Variants in CHRM1 observed in about 807,000 individuals in gnomAD.
The protein encoded by CHRM1 is muscarinic acetylcholine receptor M1.
Under a neutral mutation model 31.6 loss-of-function variants are expected in CHRM1, and 5 were observed. That is an observed-to-expected ratio of 0.16 (90% confidence interval 0.08 to 0.33). The LOEUF is 0.33. Among genes scored for constraint, CHRM1 ranks in the 10% least tolerant of loss-of-function variants. The probability of loss-of-function intolerance (pLI) is 1.00; values close to 1 mark genes in which losing one functional copy is unlikely to be tolerated. For missense variants in CHRM1, 338 were observed against 610.3 expected (o/e 0.55, Z 4.70); for synonymous variants, 227 against 249.7 (o/e 0.91, Z 0.86).
At chr11:62,915,281 TG>T (rs1243204965) in intron 1 of CHRM1, among the ~76,000 whole-genome samples, 1 of 151,136 alleles carries the variant, frequency 6.6e-6, no homozygotes, top group Non-Finnish European at 1.5e-5. Flanking sequence ...GCGAAATGTA[TG>T]GGGTGCCCCA....
chr11:62,909,528 C>A lies in CHRM1; in HGVS notation c.*190G>T. 1.5e-6 allele frequency: 1 copy of A among 658,200 alleles called. No homozygotes were observed. The highest frequency in any genetic ancestry group is 2.8e-5 in the East Asian group (1 of 36,298). The allele number at this position is 658,200 out of a possible 1,614,324, so 40.8% of individuals were successfully genotyped here. ...AGAAAAACCAGTTCCCCGGGTTTCC[C>A]TCCCTGCCTGGGAATAGCGAAGTCT... On this transcript the variant is annotated 3_prime_UTR_variant, in exon 2 of 2. Transcript: ENST00000306960.
intron 1 of CHRM1, among the ~76,000 whole-genome samples, chr11:62,920,275 C>A (rs1334046081): frequency 6.6e-6 from 1 of 152,144 alleles, no homozygotes. Flanking sequence ...AGATGTGAAC[C>A]CCTCTCCATT....
chr11:62,911,469 A>G (rs980690382), intron 1 of CHRM1, among the ~76,000 whole-genome samples: 1 of 152,192 alleles, frequency 6.6e-6, no homozygotes, highest in Non-Finnish European at 1.5e-5. Flanking sequence ...ACAAATTCCT[A>G]TCTTACATAA....
At position 62,910,946 on chromosome 11, in the gene CHRM1, A is replaced by G. The variant is rs949989039; in HGVS notation, c.155T>C (p.Val52Ala). 7 of 1,613,964 alleles carry G rather than the reference A, an allele frequency of 4.3e-6. No homozygotes were observed. Among genetic ancestry groups the G allele is most frequent in the Non-Finnish European group, 5.9e-6 (7 of 1,180,026 alleles). Residue 52 changes from valine to alanine, a missense_variant, in exon 2 of 2, where the codon GTC becomes GCC. Around this residue, in one of 4 missense-constraint regions of CHRM1, gnomAD observed 85 missense variants for 257.7 expected, o/e 0.33. Coordinates refer to ENST00000306960, the MANE Select transcript of CHRM1 (RefSeq NM_000738.3). The surrounding 1 kb of genome is among the most constrained non-coding windows in gnomAD (Gnocchi z 8.7). ...ATTGACTGTCTTGAGCTCCGTGTTG[A>G]CCTTGAAAGAGATGAGTACCAGCAG... is the stretch of plus-strand genomic sequence containing the variant. ...GNLLVLISFK[V>A]NTELKTVNNY...
At position 62,910,471 on chromosome 11, in the gene CHRM1, G is replaced by A. The variant is rs371629017; in HGVS notation, c.630C>T (p.Arg210=). Residue 210 remains arginine, a synonymous_variant, in exon 2 of 2, where the codon CGC becomes CGT. Transcript: ENST00000306960. This position sits in a 1 kb window ranked among gnomAD's most constrained non-coding sequence, Gnocchi z 8.7. ...CTCGGTTCTCTGTCTCCCGGTAGAT[G>A]CGCCAGTAGAGCGTGCACATGACTG... The part of the protein sequence containing the change: ...PVTVMCTLYW[R]IYRETENRAR... 56 of 1,614,144 alleles carry A rather than the reference G, an allele frequency of 3.5e-5. No individual in the cohort carries two copies. In the African/African-American group the frequency reaches 7.5e-4, roughly 22 times the overall value.
intron 1 of CHRM1, among the ~76,000 whole-genome samples, chr11:62,912,146 A>G (rs1172491437): frequency 6.6e-6 from 1 of 151,892 alleles, no homozygotes; most frequent in Non-Finnish European, 1.5e-5. Flanking sequence ...AGGCAGGCGG[A>G]TCATGAGGTC....
rs573048117 is a variant in CHRM1 at position 62,910,201 on chromosome 11, C to T, written c.900G>A (p.Val300=). The T allele has an allele frequency of 6.2e-6, 10 of 1,604,168 alleles. No homozygotes were observed. In the African/African-American group the frequency reaches 1.1e-4, roughly 17 times the overall value. Residue 300 remains valine, a synonymous_variant, in exon 2 of 2, where the codon GTG becomes GTA. Coordinates refer to ENST00000306960, the MANE Select transcript of CHRM1 (RefSeq NM_000738.3). The surrounding 1 kb of genome is among the most constrained non-coding windows in gnomAD (Gnocchi z 8.7). The stretch of plus-strand genomic sequence containing the variant: ...GGTCCACCATTGGCATCTTGATCAC[C>T]ACTTCGGAGCCAGGCTCCTCTCCCT... ...SSEGEEPGSE[V]VIKMPMVDPE...
chr11:62,920,215 G>C (rs745444506), intron 1 of CHRM1, among the ~76,000 whole-genome samples: 4 of 152,320 alleles, frequency 2.6e-5, no homozygotes, highest in Non-Finnish European at 5.9e-5. Flanking sequence ...AGCCAGTTGG[G>C]CAGGGGTCTT....
rs771444330 is a variant in CHRM1, at chr11:62,910,115, G to T, written c.986C>A (p.Pro329Gln). 6.2e-7 allele frequency: 1 copy of T among 1,611,044 alleles called. No homozygotes were observed. Among genetic ancestry groups the T allele is most frequent in the East Asian group, 2.2e-5 (1 of 44,858 alleles). The change falls in exon 2 of 2, where the codon CCG (proline) becomes CAG (glutamine). Residue 329 changes from proline to glutamine, a missense_variant. By Grantham distance (76) the Pro-to-Gln change is moderately conservative. Around this residue, in one of 4 missense-constraint regions of CHRM1, gnomAD observed 183 missense variants for 223.4 expected, o/e 0.82. Transcript: ENST00000306960. This position sits in a 1 kb window ranked among gnomAD's most constrained non-coding sequence, Gnocchi z 8.7. Reference sequence around the variant, plus strand: ...AGCTCGATCACGCCCTTTCTTAGTCGGCCTCTTGACTGTATTTGGGGAGCT... The same window carrying T: ...AGCTCGATCACGCCCTTTCTTAGTCTGCCTCTTGACTGTATTTGGGGAGCT... ...PRSSPNTVKR[P>Q]TKKGRDRAGK...
chr11:62,909,658 G>A lies in CHRM1; in HGVS notation c.*60C>T. 6.4e-7 allele frequency: 1 copy of A among 1,571,644 alleles called. No individual in the cohort carries two copies. Among genetic ancestry groups the A allele is most frequent in the Non-Finnish European group, 8.6e-7 (1 of 1,156,794 alleles). The stretch of plus-strand genomic sequence containing the variant: ...CCCTGGGGCTGAGGATGCAGCCCCT[G>A]CCCTCTTCCCACCGGCCTTTCCCGG... On this transcript the variant is annotated 3_prime_UTR_variant, in exon 2 of 2. Coordinates refer to ENST00000306960, the MANE Select transcript of CHRM1 (RefSeq NM_000738.3).
At chr11:62,920,012 G>A (rs1211579373) in intron 1 of CHRM1, among the ~76,000 whole-genome samples, 1 of 152,152 alleles carries the variant, frequency 6.6e-6, no homozygotes, top group Non-Finnish European at 1.5e-5. Context: ...TGTCAGCTGC[G>A]AGCCAAGACC....
intron 1 of CHRM1, among the ~76,000 whole-genome samples, chr11:62,916,640 T>G (rs931181317): frequency 2.8e-4 from 43 of 152,332 alleles, no homozygotes; most frequent in African/African-American, 9.4e-4. Context: ...GCACTTAATA[T>G]ATATTCTTTC....
At chr11:62,921,705 C>T (rs2085934930), upstream of CHRM1, 1 of 152,206 alleles carries the variant, frequency 6.6e-6, no homozygotes, top group Non-Finnish European at 1.5e-5. Context: ...CCTCCCCCCA[C>T]CCAACCTTAG....
chr11:62,917,715 A>G (rs2085908035), intron 1 of CHRM1, among the ~76,000 whole-genome samples: 2 of 152,284 alleles, frequency 1.3e-5, no homozygotes, highest in South Asian at 4.2e-4. Flanking sequence ...GCTTCTCTCC[A>G]GGACTGTGGC....
intron 1 of CHRM1, among the ~76,000 whole-genome samples, chr11:62,914,686 C>T (rs1477642483): frequency 3.3e-5 from 5 of 152,216 alleles, no homozygotes; most frequent in Non-Finnish European, 7.3e-5. Context: ...AGTCCAAGGT[C>T]TCCTGGCTCC....
rs2085855400 is a variant in CHRM1, at chr11:62,909,483, A to G, written c.*235T>C. ...GGGCCTTCTTCCTGGTGAAGAGCGC[A>G]TTCCCACCCAGCAGGGAACAGAAAA... is the stretch of plus-strand genomic sequence containing the variant. On this transcript the variant is annotated 3_prime_UTR_variant, in exon 2 of 2. Coordinates refer to ENST00000306960, the MANE Select transcript of CHRM1 (RefSeq NM_000738.3). 3.6e-6 allele frequency: 2 copies of G among 563,336 alleles called. No homozygotes were observed. Among genetic ancestry groups the G allele is most frequent in the Non-Finnish European group, 6.3e-6 (2 of 318,996 alleles). 34.9% of individuals were successfully genotyped at this position (563,336 alleles called of 1,614,324 possible).
chr11:62,912,120 G>C (rs1331365311), intron 1 of CHRM1, among the ~76,000 whole-genome samples: 1 of 151,958 alleles, frequency 6.6e-6, no homozygotes, highest in Non-Finnish European at 1.5e-5. Flanking sequence ...TGTAATCCCA[G>C]CACTTTGGGA....
chr11:62,910,448 C>T lies in CHRM1; in HGVS notation c.653G>A (p.Arg218Gln). The T allele has an allele frequency of 6.2e-7, 1 of 1,613,840 alleles. No homozygotes were observed. ...YWRIYRETEN[R>Q]ARELAALQGS... ...CTGAAGGGCTGCCAGCTCCCGTGCT[C>T]GGTTCTCTGTCTCCCGGTAGATGCG... The change falls in exon 2 of 2, where the codon CGA becomes CAA. Residue 218 changes from arginine (R) to glutamine (Q), a missense_variant. Around this residue, in one of 4 missense-constraint regions of CHRM1, gnomAD observed 183 missense variants for 223.4 expected, o/e 0.82. Transcript: ENST00000306960. The surrounding 1 kb of genome is among the most constrained non-coding windows in gnomAD (Gnocchi z 8.7).
At position 62,910,000 on chromosome 11, in the gene CHRM1, C is replaced by T. The variant is rs1364728084; in HGVS notation, c.1101G>A (p.Leu367=). Residue 367 remains leucine (L), a synonymous_variant, in exon 2 of 2, where the codon CTG becomes CTA. Coordinates refer to ENST00000306960, the MANE Select transcript of CHRM1 (RefSeq NM_000738.3). ...LVKEKKAART[L]SAILLAFILT... ...GGATGAAGGCCAGGAGGATGGCACTCAGGGTCCGAGCCGCCTTCTTCTCCT... is the reference window on the plus strand; with the variant it reads ...GGATGAAGGCCAGGAGGATGGCACTTAGGGTCCGAGCCGCCTTCTTCTCCT... 4 of 1,613,970 alleles carry T rather than the reference C, an allele frequency of 2.5e-6. No individual in the cohort carries two copies. The highest frequency in any genetic ancestry group is 3.4e-6 in the Non-Finnish European group (4 of 1,180,038).
Sources: allele counts gnomAD v4.1 joint callset (sites outside exome capture counted in the v4.1 genomes callset), GRCh38; gene constraint gnomAD v4.1.1; regional missense constraint gnomAD v4.1.1; non-coding constraint Gnocchi (gnomAD v3.1); transcripts MANE v1.5; gene names NCBI Gene and HGNC (gene_info 2026-07-23, HGNC 2026-07-21).